TM7SF3: variants seen among roughly 807,000 people sequenced by gnomAD.
TM7SF3 encodes seven span transmembrane protein.
In TM7SF3, 60 loss-of-function variants were observed where a neutral mutation model predicts 65.5. The ratio of observed to expected loss-of-function variants is 0.92; its 90% confidence interval spans 0.74 to 1.14. TM7SF3 has a LOEUF of 1.14. Ranked by LOEUF, TM7SF3 falls within the 50% of genes most tolerant of loss-of-function variation. The pLI is 0.00. For synonymous variants in TM7SF3, 264 were observed against 259.6 expected, an observed-to-expected ratio of 1.02 and a Z score of -0.16; for missense variants, 623 against 684.8, an observed-to-expected ratio of 0.91 and a Z score of 1.01.
At chr12:26,978,016 A>T in intron 9 of TM7SF3, 1 of 424,250 alleles carries the variant, frequency 2.4e-6, no homozygotes, top group Non-Finnish European at 4.7e-6. Context: ...GGATGGCTTG[A>T]GCCTTAGAGT....
intron 6 of TM7SF3, among the ~76,000 whole-genome samples, chr12:26,985,641 AAAAAAAAAAAAATAT>A (rs1337952186): frequency 2.3e-3 from 158 of 69,368 alleles, no homozygotes; most frequent in African/African-American, 4.6e-3. Context: ...AAAAAAAAAA[AAAAAAAAAAAAATAT>A]ATATATATAT....
At chr12:26,984,225 T>C (rs1939942163) in intron 6 of TM7SF3, among the ~76,000 whole-genome samples, 1 of 150,010 alleles carries the variant, frequency 6.7e-6, no homozygotes, top group African/African-American at 2.5e-5. Flanking sequence ...AGGTCAGGAG[T>C]TTGAGATGAG....
chr12:26,990,459 C>G lies in TM7SF3; in HGVS notation c.859G>C (p.Ala287Pro). Residue 287 changes from alanine (A) to proline (P), a missense_variant, in exon 6 of 12, where the codon GCT becomes CCT. Ala to Pro is a conservative substitution (Grantham distance 27). Transcript: ENST00000343028. ...CSFEAGEGSC[A>P]SLGRVSSKVF... ...AAAGCCACATACTCACCTAGGGAAGCACAACTACCCTCTCCTGCCTCAAAG... is the reference window on the plus strand; with the variant it reads ...AAAGCCACATACTCACCTAGGGAAGGACAACTACCCTCTCCTGCCTCAAAG... The G allele has an allele frequency of 6.2e-7, 1 of 1,612,090 alleles. No homozygotes were observed. Among genetic ancestry groups the G allele is most frequent in the African/African-American group, 1.3e-5 (1 of 74,986 alleles).
At chr12:27,008,508 C>T (rs987124076) in intron 1 of TM7SF3, among the ~76,000 whole-genome samples, 2 of 152,154 alleles carry the variant, frequency 1.3e-5, no homozygotes, top group Middle Eastern at 3.2e-3. Flanking sequence ...TTTAGATTAA[C>T]AGTTTTCATT....
intron 1 of TM7SF3, among the ~76,000 whole-genome samples, chr12:27,004,753 A>C (rs1317081207): frequency 6.6e-6 from 1 of 152,248 alleles, no homozygotes; most frequent in African/African-American, 2.4e-5. Flanking sequence ...TACATTCATA[A>C]CTTAATGTTT....
rs1274103678 is a variant in TM7SF3, at chr12:26,985,640, AAAAAAAAAAAAAATATATAT to A, written c.869-2801_869-2782del. Among the ~76,000 whole-genome samples, 11 of 58,330 alleles carry A rather than the reference AAAAAAAAAAAAAATATATAT, an allele frequency of 1.9e-4. No individual in the cohort carries two copies. In the South Asian group the frequency reaches 5.3e-3, roughly 28 times the overall value. 38.3% of individuals were successfully genotyped at this position (58,330 alleles called of 152,430 possible). A position where few individuals can be genotyped will look rare whatever the true frequency, so the allele number is the denominator to read the frequency against. The stretch of plus-strand genomic sequence containing the variant: ...GACTGTCAAAAAAAAAAAAAAAAAA[AAAAAAAAAAAAAATATATAT>A]ATATATATATATATATATACACACA... On this transcript the variant is annotated intron_variant, in intron 6 of 11. Transcript: ENST00000343028.
chr12:26,984,708 T>C (rs2136393397), intron 6 of TM7SF3, among the ~76,000 whole-genome samples: 1 of 152,100 alleles, frequency 6.6e-6, no homozygotes, highest in South Asian at 2.1e-4. Context: ...AAATCCCCTA[T>C]CACAATACCA....
intron 6 of TM7SF3, among the ~76,000 whole-genome samples, chr12:26,985,498 G>A (rs935902641): frequency 2.7e-5 from 4 of 150,858 alleles, no homozygotes; most frequent in African/African-American, 7.3e-5. Context: ...GGTGGTACAC[G>A]CCTATAATCC....
At chr12:27,012,874 T>C (rs879319146) in intron 1 of TM7SF3, 1 of 369,998 alleles carries the variant, frequency 2.7e-6, no homozygotes, top group Non-Finnish European at 5.3e-6. Context: ...GGCGGGCGCC[T>C]GTAATCCCAG....
At chr12:27,000,892 C>T (rs1390343744) in intron 2 of TM7SF3, among the ~76,000 whole-genome samples, 1 of 152,050 alleles carries the variant, frequency 6.6e-6, no homozygotes, top group African/African-American at 2.4e-5. Context: ...TTCCTCTCTA[C>T]CATCCCCCAC....
At chr12:27,008,386 T>G (rs1441996695) in intron 1 of TM7SF3, among the ~76,000 whole-genome samples, 1 of 152,206 alleles carries the variant, frequency 6.6e-6, no homozygotes, top group Non-Finnish European at 1.5e-5. Flanking sequence ...AAAATGGAAC[T>G]GTCCTTCTTC....
At chr12:26,988,402 A>G (rs1213493198) in intron 6 of TM7SF3, among the ~76,000 whole-genome samples, 1 of 152,144 alleles carries the variant, frequency 6.6e-6, no homozygotes, top group South Asian at 2.1e-4. Context: ...GAGCTCAAGC[A>G]ATCCGCCCAT....
At chr12:26,974,265 T>A (rs761287905) in intron 11 of TM7SF3, 38 bp from the exon 12 acceptor site, 3 of 1,583,842 alleles carry the variant, frequency 1.9e-6, no homozygotes, top group Non-Finnish European at 2.6e-6. Flanking sequence ...TGAACTCTAG[T>A]ATTTTAAAAT....
chr12:26,991,176 C>A (rs149865625), intron 5 of TM7SF3, among the ~76,000 whole-genome samples: 1 of 129,914 alleles, frequency 7.7e-6, no homozygotes, highest in African/African-American at 2.9e-5. Flanking sequence ...GACGGAGTCT[C>A]GCTCTGTCGC....
At chr12:27,009,134 G>A (rs1483244220) in intron 1 of TM7SF3, among the ~76,000 whole-genome samples, 2 of 152,070 alleles carry the variant, frequency 1.3e-5, no homozygotes, top group Admixed American at 6.6e-5. Flanking sequence ...TATTTGTCTA[G>A]CTATAGACAC....
At chr12:26,977,788 GTGTA>G (rs1245357639) in intron 9 of TM7SF3, among the ~76,000 whole-genome samples, 33 of 137,930 alleles carry the variant, frequency 2.4e-4, no homozygotes, top group African/African-American at 7.4e-4. Context: ...GTGTGTGTGT[GTGTA>G]TGTGTGTGTG....
chr12:26,981,033 T>C (rs995747660), intron 7 of TM7SF3, among the ~76,000 whole-genome samples: 1 of 152,242 alleles, frequency 6.6e-6, no homozygotes, highest in Non-Finnish European at 1.5e-5. Flanking sequence ...TTTAATAGTT[T>C]TGTAAGCAGA....
At chr12:26,984,125 G>A (rs1565870810) in intron 6 of TM7SF3, among the ~76,000 whole-genome samples, 1 of 152,082 alleles carries the variant, frequency 6.6e-6, no homozygotes, top group Non-Finnish European at 1.5e-5. Flanking sequence ...AGAATAAGGA[G>A]CCCATAAGAA....
At chr12:27,009,646 C>A (rs1178174228) in intron 1 of TM7SF3, among the ~76,000 whole-genome samples, 1 of 152,162 alleles carries the variant, frequency 6.6e-6, no homozygotes, top group Non-Finnish European at 1.5e-5. Context: ...GATCCTCCCC[C>A]ACTCAGTCTT....
Sources: gnomAD v4.1 joint callset for allele counts (sites outside exome capture counted in the v4.1 genomes callset) on GRCh38, gnomAD v4.1.1 for gene constraint, MANE v1.5 for transcripts, NCBI Gene and HGNC (gene_info 2026-07-23, HGNC 2026-07-21) for gene names.